ARHGAP39: variants seen among roughly 807,000 people sequenced by gnomAD.
The protein encoded by ARHGAP39 is Rho GTPase activating protein 39, also known as rho GTPase-activating protein 39.
Under a neutral mutation model 106.9 loss-of-function variants are expected in ARHGAP39, and 44 were observed. The observed-to-expected ratio is 0.41, with a 90% CI of 0.32 to 0.53. The LOEUF is 0.53. ARHGAP39 is among the 20% of genes least tolerant of loss of function. The pLI is 0.21. For missense variants in ARHGAP39, 1,496 were observed against 1,577.3 expected, an observed-to-expected ratio of 0.95 and a Z score of 0.87; for synonymous variants, 768 against 693.2, an observed-to-expected ratio of 1.11 and a Z score of -1.69.
chr8:144,605,419 C>A, intron 2 of ARHGAP39, 116 bp downstream of exon 2: 1 of 1,122,324 alleles, frequency 8.9e-7, no homozygotes, highest in South Asian at 1.4e-5. Context: ...GAACAGCCAG[C>A]GACGAATCCA....
chr8:144,583,084 C>T (rs1819055376), intron 2 of ARHGAP39, among the ~76,000 whole-genome samples: 1 of 152,112 alleles, frequency 6.6e-6, no homozygotes, highest in African/African-American at 2.4e-5. Context: ...AGGGGCCACC[C>T]CCGCTCTGGT....
At chr8:144,605,363 T>C (rs1820244359) in intron 2 of ARHGAP39, among the ~76,000 whole-genome samples, 172 bp downstream of exon 2, 1 of 152,226 alleles carries the variant, frequency 6.6e-6, no homozygotes, top group Admixed American at 6.5e-5. Flanking sequence ...GCCACGGCCC[T>C]GAGGGCTGCA....
At position 144,619,963 on chromosome 8, in the gene ARHGAP39, CGT is replaced by C. The variant is rs552224522; in HGVS notation, c.-81-14270_-81-14269del. ...CCCTGAGAGCATGTGTGCCTGTGTG[CGT>C]GTGAGCCTGTGCATCTGAGAGCGTG... On this transcript the variant is annotated intron_variant, in intron 1 of 11. Coordinates refer to ENST00000377307, the MANE Select transcript of ARHGAP39 (RefSeq NM_025251.3). Among the ~76,000 whole-genome samples, 225 of 124,500 alleles carry C rather than the reference CGT, an allele frequency of 1.8e-3. No homozygotes were observed. In the Middle Eastern group the frequency reaches 0.032, roughly 18 times the overall value. 81.7% of individuals were successfully genotyped at this position (124,500 alleles called of 152,430 possible).
At chr8:144,560,203 G>A (rs1818090436) in intron 3 of ARHGAP39, among the ~76,000 whole-genome samples, 1 of 152,242 alleles carries the variant, frequency 6.6e-6, no homozygotes, top group Non-Finnish European at 1.5e-5. Flanking sequence ...GGAGGCCAAG[G>A]TGAGTGGATC....
chr8:144,615,560 T>C (rs923207049), intron 1 of ARHGAP39, among the ~76,000 whole-genome samples: 3 of 152,250 alleles, frequency 2.0e-5, no homozygotes, highest in Non-Finnish European at 2.9e-5. Flanking sequence ...TCCTTTGCCA[T>C]GGCTATTCCT....
intron 1 of ARHGAP39, among the ~76,000 whole-genome samples, chr8:144,660,545 C>A (rs1353388189): frequency 6.6e-6 from 1 of 152,178 alleles, no homozygotes; most frequent in African/African-American, 2.4e-5. Context: ...AATACTCAGT[C>A]TTGCAAGCCA....
chr8:144,665,922 C>T (rs1261639012), intron 1 of ARHGAP39, among the ~76,000 whole-genome samples: 1 of 152,176 alleles, frequency 6.6e-6, no homozygotes, highest in Non-Finnish European at 1.5e-5. Context: ...AATGGTAGAT[C>T]CACCAACAGC....
At chr8:144,532,426 C>T (rs771645411) in intron 9 of ARHGAP39, 30 bp from the exon 10 acceptor site, 7 of 1,589,732 alleles carry the variant, frequency 4.4e-6, no homozygotes, top group African/African-American at 4.0e-5. Context: ...TCTCAGGCAA[C>T]AGGAGCCTGT....
intron 4 of ARHGAP39, among the ~76,000 whole-genome samples, chr8:144,552,071 TCAAA>T (rs1248593058): frequency 1.1e-4 from 17 of 152,086 alleles, no homozygotes; most frequent in Admixed American, 5.2e-4. Flanking sequence ...TTAACAGAAA[TCAAA>T]CATCACAACA....
At chr8:144,536,290 C>G (rs1213792805) in intron 7 of ARHGAP39, among the ~76,000 whole-genome samples, 1 of 152,132 alleles carries the variant, frequency 6.6e-6, no homozygotes, top group Non-Finnish European at 1.5e-5. Context: ...GCCAGGCCTG[C>G]CCCGGGGACC....
intron 3 of ARHGAP39, among the ~76,000 whole-genome samples, chr8:144,568,324 ACT>A (rs1818474226): frequency 1.1e-5 from 1 of 93,638 alleles, no homozygotes; most frequent in Admixed American, 1.7e-4. Flanking sequence ...ACAGAGTGAG[ACT>A]CTGTCTCAAA....
chr8:144,577,062 C>T (rs551420093), intron 3 of ARHGAP39, among the ~76,000 whole-genome samples: 7 of 152,332 alleles, frequency 4.6e-5, no homozygotes, highest in South Asian at 2.1e-4. Context: ...TCCTTAACCT[C>T]TACAACAGTC....
chr8:144,662,164 C>A (rs1305545021), intron 1 of ARHGAP39, among the ~76,000 whole-genome samples: 1 of 151,524 alleles, frequency 6.6e-6, no homozygotes, highest in Non-Finnish European at 1.5e-5. Context: ...CACTTTCTCT[C>A]CCCATTATCC....
At chr8:144,605,737 C>T in intron 1 of ARHGAP39, 42 bp from the exon 2 acceptor site, 1 of 896,316 alleles carries the variant, frequency 1.1e-6, no homozygotes, top group Non-Finnish European at 1.8e-6. Context: ...TGGAAGACGC[C>T]TCACCACACC....
At chr8:144,600,641 C>G (rs752686272) in intron 2 of ARHGAP39, among the ~76,000 whole-genome samples, 1 of 134,050 alleles carries the variant, frequency 7.5e-6, no homozygotes, top group Non-Finnish European at 1.6e-5. Context: ...TACCTACCTG[C>G]GTGTGCATGG....
intron 1 of ARHGAP39, among the ~76,000 whole-genome samples, chr8:144,628,954 G>A (rs1288793551): frequency 6.6e-6 from 1 of 152,132 alleles, no homozygotes; most frequent in Non-Finnish European, 1.5e-5. Flanking sequence ...GGGAGGACGC[G>A]TGCGATTCTT....
intron 5 of ARHGAP39, among the ~76,000 whole-genome samples, chr8:144,546,345 C>T (rs146052053): frequency 2.1e-3 from 313 of 152,276 alleles, no homozygotes; most frequent in African/African-American, 7.0e-3. Context: ...GCCTCTCTGC[C>T]CTCTTGTCCT....
chr8:144,688,903 A>G (rs146702721), upstream of ARHGAP39, among the ~76,000 whole-genome samples: 15 of 152,332 alleles, frequency 9.8e-5, no homozygotes, highest in Admixed American at 3.9e-4. Flanking sequence ...TGCACAAAAT[A>G]ATATAGATCT....
chr8:144,661,724 T>C (rs1326583017), intron 1 of ARHGAP39, among the ~76,000 whole-genome samples: 2 of 152,046 alleles, frequency 1.3e-5, no homozygotes, highest in African/African-American at 2.4e-5. Flanking sequence ...TTGCCCAGGC[T>C]GGAGTGCAGT....
Sources: gnomAD v4.1 joint callset for allele counts (sites outside exome capture counted in the v4.1 genomes callset) on GRCh38, gnomAD v4.1.1 for gene constraint, MANE v1.5 for transcripts, NCBI Gene and HGNC (gene_info 2026-07-23, HGNC 2026-07-21) for gene names.